VPS13D: variants seen among roughly 807,000 people sequenced by gnomAD.
VPS13D encodes intermembrane lipid transfer protein VPS13D.
VPS13D carries 187 observed loss-of-function variants against 461.9 expected under a neutral mutation model. That is an observed-to-expected ratio of 0.40 (90% CI 0.36 to 0.46). VPS13D has a LOEUF of 0.46. Ranked by LOEUF, VPS13D falls within the 20% of genes least tolerant of loss-of-function variation. The pLI, the probability that VPS13D is intolerant of heterozygous loss-of-function variation, is 0.60. For synonymous variants in VPS13D, 1,951 were observed against 1,986.3 expected (o/e 0.98, Z 0.47); for missense variants, 4,711 against 5,364.9 (o/e 0.88, Z 3.81).
Position 12,293,655 on chromosome 1 carries a change from A to G in VPS13D, c.5984A>G (p.Gln1995Arg). The change falls in exon 24 of 70, where the codon CAG becomes CGG. Residue 1995 changes from glutamine (Q) to arginine (R), a missense_variant. Transcript: ENST00000620676. Reference protein sequence around the residue: ...EVVAFIQHFTQLQDVLGRQRA... With the variant: ...EVVAFIQHFTRLQDVLGRQRA... ...GTGGCCTTCATTCAGCATTTCACTCAGCTGCAGGATGTCTTAGGGCGCCAG... is the reference window on the plus strand; with the variant it reads ...GTGGCCTTCATTCAGCATTTCACTCGGCTGCAGGATGTCTTAGGGCGCCAG... 2 of 1,614,088 alleles carry G rather than the reference A, an allele frequency of 1.2e-6. No individual in the cohort carries two copies. Among genetic ancestry groups the G allele is most frequent in the Non-Finnish European group, 1.7e-6 (2 of 1,180,000 alleles).
intron 67 of VPS13D, among the ~76,000 whole-genome samples, chr1:12,481,995 G>A (rs1002384154): frequency 2.6e-5 from 4 of 152,170 alleles, no homozygotes; most frequent in South Asian, 2.1e-4. Flanking sequence ...CCTGTTCCTC[G>A]GTTAGAGGCA....
chr1:12,249,131 A>G (rs1290976071), intron 5 of VPS13D, 92 bp from the exon 6 acceptor site: 1 of 1,033,494 alleles, frequency 9.7e-7, no homozygotes, highest in East Asian at 2.4e-5. Flanking sequence ...TATTTCACCT[A>G]CAGCAGTTAT....
At chr1:12,341,911 G>A (rs768768836) in intron 41 of VPS13D, 26 bp downstream of exon 41, 26 of 1,608,166 alleles carry the variant, frequency 1.6e-5, no homozygotes, top group East Asian at 4.5e-5. Flanking sequence ...ATATTACCCC[G>A]AGTCATCTCT....
At chr1:12,498,137 T>C (rs1645985456) in intron 68 of VPS13D, among the ~76,000 whole-genome samples, 1 of 152,226 alleles carries the variant, frequency 6.6e-6, no homozygotes, top group African/African-American at 2.4e-5. Flanking sequence ...GTGATATTAT[T>C]CCTAGTTGAC....
At chr1:12,331,579 G>T (rs1643333163) in intron 37 of VPS13D, among the ~76,000 whole-genome samples, 1 of 151,788 alleles carries the variant, frequency 6.6e-6, no homozygotes, top group African/African-American at 2.4e-5. Context: ...GGGCGTGGTG[G>T]TGGGCACCTG....
At position 12,495,225 on chromosome 1, in the gene VPS13D, C is replaced by G. The variant is rs2100535093; in HGVS notation, c.12663-2275C>G. On this transcript the variant is annotated intron_variant, in intron 67 of 69. Transcript: ENST00000620676. The surrounding 1 kb of genome is among the most constrained non-coding windows in gnomAD (Gnocchi z 4.0). ...AGTGCAGTGGCAGGATCTCGGCTCA[C>G]TGCAAGCTCCGCCTCCCAGGTTCAT... is the stretch of plus-strand genomic sequence containing the variant. 6.6e-6 allele frequency among the ~76,000 whole-genome samples: 1 copy of G among 151,314 alleles called. No homozygotes were observed. The highest frequency in any genetic ancestry group is 2.4e-5 in the African/African-American group (1 of 41,166).
chr1:12,304,544 A>T lies in VPS13D; in HGVS notation c.6255A>T (p.Lys2085Asn). 1 of 1,614,090 alleles carries T rather than the reference A, an allele frequency of 6.2e-7. No homozygotes were observed. The highest frequency in any genetic ancestry group is 8.5e-7 in the Non-Finnish European group (1 of 1,179,998). Residue 2085 changes from lysine to asparagine, a missense_variant, in exon 26 of 70, where the codon AAA becomes AAT. Physicochemically the swap from Lys to Asn is moderately conservative, Grantham distance 94. Around this residue, in one of 3 missense-constraint regions of VPS13D, gnomAD observed 4,411 missense variants for 4,937.8 expected, o/e 0.89. Coordinates refer to ENST00000620676, the MANE Select transcript of VPS13D (RefSeq NM_015378.4). ...CAGCTTCCCCAACGGGTATTCCCAA[A>T]CACAGTCTGAGGAAAACGACAAGCA... ...VPSASPTGIPKHSLRKTTSTE... is the reference protein window; with the variant it reads ...VPSASPTGIPNHSLRKTTSTE...
At chr1:12,385,946 G>T (rs947178432) in intron 59 of VPS13D, among the ~76,000 whole-genome samples, 4 of 152,106 alleles carry the variant, frequency 2.6e-5, no homozygotes, top group East Asian at 3.8e-4. Context: ...TTTGATAGAG[G>T]TATCATCACA....
intron 46 of VPS13D, among the ~76,000 whole-genome samples, chr1:12,353,544 A>C (rs868544920): frequency 3.3e-5 from 5 of 151,112 alleles, no homozygotes; most frequent in African/African-American, 7.3e-5. Context: ...AAAAAAAAAA[A>C]AAAAAAAAAA....
intron 65 of VPS13D, among the ~76,000 whole-genome samples, chr1:12,420,008 G>A (rs972000920): frequency 1.5e-4 from 23 of 152,246 alleles, no homozygotes; most frequent in South Asian, 4.1e-4. Context: ...GTGGATTGTC[G>A]TATATGCAGC....
intron 63 of VPS13D, among the ~76,000 whole-genome samples, chr1:12,414,198 C>T (rs972242425): frequency 2.0e-5 from 3 of 151,890 alleles, no homozygotes; most frequent in African/African-American, 7.3e-5. Flanking sequence ...GTGGGAGGAT[C>T]GCGTGAGCCC....
At chr1:12,309,770 A>G (rs1642680821) in intron 27 of VPS13D, among the ~76,000 whole-genome samples, 1 of 151,676 alleles carries the variant, frequency 6.6e-6, no homozygotes, top group East Asian at 1.9e-4. Context: ...TCAAAAAAAA[A>G]AAAAAAAAGA....
chr1:12,273,240 A>G (rs1227754850), intron 18 of VPS13D, 105 bp downstream of exon 18: 3 of 1,392,412 alleles, frequency 2.2e-6, no homozygotes, highest in African/African-American at 1.5e-5. Context: ...ACATTTTTAT[A>G]TGTAACATTT....
rs375214360 is a variant in VPS13D, at chr1:12,260,923, C to G, written c.1213-25C>G. Reference sequence around the variant, plus strand: ...CTTGCTTTTATCTTTGAGTACTCATCTCTGCTCCTTTGTGATTGACACAGA... The same window carrying G: ...CTTGCTTTTATCTTTGAGTACTCATGTCTGCTCCTTTGTGATTGACACAGA... On this transcript the variant is annotated intron_variant, in intron 11 of 69. Transcript: ENST00000620676. 1.9e-6 allele frequency: 3 copies of G among 1,614,006 alleles called. No homozygotes were observed. In the African/African-American group the frequency reaches 4.0e-5, roughly 22 times the overall value.
At position 12,460,221 on chromosome 1, in the gene VPS13D, A is replaced by G; in HGVS notation, c.12487A>G (p.Ser4163Gly). The G allele has an allele frequency of 6.2e-7, 1 of 1,606,388 alleles. No homozygotes were observed. Among genetic ancestry groups the G allele is most frequent in the Non-Finnish European group, 8.5e-7 (1 of 1,176,250 alleles). The change falls in exon 67 of 70, where the codon AGT (serine) becomes GGT (glycine). Residue 4163 changes from serine (S) to glycine (G), a missense_variant. Coordinates refer to ENST00000620676, the MANE Select transcript of VPS13D (RefSeq NM_015378.4). ...ACTAGGTATCATTGGTGGACTGACC[A>G]GTGTTATAACTTCGACAGTGGAAGG... ...LAHGIIGGLT[S>G]VITSTVEGVK...
intron 46 of VPS13D, among the ~76,000 whole-genome samples, chr1:12,352,209 T>A (rs1226858252): frequency 6.6e-6 from 1 of 151,940 alleles, no homozygotes; most frequent in Non-Finnish European, 1.5e-5. Context: ...GAGAATCGCT[T>A]GAATCTGGGA....
chr1:12,316,321 G>A (rs1263128460), intron 30 of VPS13D, among the ~76,000 whole-genome samples: 2 of 152,136 alleles, frequency 1.3e-5, no homozygotes, highest in Non-Finnish European at 2.9e-5. Context: ...GGAGTGAAAT[G>A]TTCTTTAGAT....
At chr1:12,246,602 G>C (rs1640558738) in intron 5 of VPS13D, among the ~76,000 whole-genome samples, 1 of 152,170 alleles carries the variant, frequency 6.6e-6, no homozygotes, top group African/African-American at 2.4e-5. Flanking sequence ...CAGTTGAATT[G>C]CTCTGCAAAC....
chr1:12,510,087 A>C lies in VPS13D; in HGVS notation c.*1063A>C, dbSNP rs1224159735. ...ACCCCAGGATGAGAAGGGAGCAGGGAGAGTTCCAGAAAGGGGGATGAAATA... is the reference window on the plus strand; with the variant it reads ...ACCCCAGGATGAGAAGGGAGCAGGGCGAGTTCCAGAAAGGGGGATGAAATA... On this transcript the variant is annotated 3_prime_UTR_variant, in exon 70 of 70. Coordinates refer to ENST00000620676, the MANE Select transcript of VPS13D (RefSeq NM_015378.4). 1.3e-5 allele frequency: 2 copies of C among 152,248 alleles called. No homozygotes were observed. 9.4% of individuals were successfully genotyped at this position (152,248 alleles called of 1,614,324 possible). A position where few individuals can be genotyped will look rare whatever the true frequency, so the allele number is the denominator to read the frequency against.
Sources: allele counts gnomAD v4.1 joint callset (sites outside exome capture counted in the v4.1 genomes callset), GRCh38; gene constraint gnomAD v4.1.1; regional missense constraint gnomAD v4.1.1; non-coding constraint Gnocchi (gnomAD v3.1); transcripts MANE v1.5; gene names NCBI Gene and HGNC (gene_info 2026-07-23, HGNC 2026-07-21).